Variants in RNF130 observed in about 807,000 individuals in gnomAD.
RNF130 encodes the protein E3 ubiquitin-protein ligase RNF130.
RNF130 carries 21 observed loss-of-function variants against 44.6 expected under a neutral mutation model. That is an observed-to-expected ratio of 0.47 (90% CI 0.33 to 0.68). The LOEUF is 0.68. Among genes scored for constraint, RNF130 ranks in the 30% least tolerant of loss-of-function variants. The pLI is 0.02. For synonymous variants in RNF130, 214 were observed against 210.4 expected (o/e 1.02, Z -0.15); for missense variants, 479 against 560.6 (o/e 0.85, Z 1.47).
intron 3 of RNF130, among the ~76,000 whole-genome samples, chr5:180,000,294 T>C (rs1397025183): frequency 6.6e-6 from 1 of 152,240 alleles, no homozygotes; most frequent in Non-Finnish European, 1.5e-5. Flanking sequence ...AGGGATTCTC[T>C]TATGTGACTT....
chr5:179,970,330 T>G, intron 6 of RNF130, 80 bp downstream of exon 6: 6 of 1,065,058 alleles, frequency 5.6e-6, no homozygotes, highest in Non-Finnish European at 8.2e-6. Context: ...ATGCCTCCTA[T>G]TATGCCAATT....
At chr5:180,053,126 T>A (rs574775811) in intron 1 of RNF130, among the ~76,000 whole-genome samples, 10 of 152,244 alleles carry the variant, frequency 6.6e-5, no homozygotes, top group Non-Finnish European at 8.8e-5. Context: ...CGAGGTCAAC[T>A]GGCCAAATGG....
rs1348247344 is a variant in RNF130, at chr5:179,977,743, T to C, written c.848+460A>G. On this transcript the variant is annotated intron_variant, in intron 5 of 8. Coordinates refer to ENST00000521389, the MANE Select transcript of RNF130 (RefSeq NM_018434.6). This position sits in a 1 kb window ranked among gnomAD's most constrained non-coding sequence, Gnocchi z 4.1. ...GGTGGGTACCTGTAGTCCCAGCTAC[T>C]CGGGAGGCTGAGGCAGGAGAATGGC... Among the ~76,000 whole-genome samples the C allele has an allele frequency of 6.6e-6, 1 of 152,044 alleles. No homozygotes were observed. The highest frequency in any genetic ancestry group is 6.6e-5 in the Admixed American group (1 of 15,266).
At chr5:180,068,905 T>C (rs1034618886) in intron 1 of RNF130, among the ~76,000 whole-genome samples, 2 of 152,204 alleles carry the variant, frequency 1.3e-5, no homozygotes, top group Non-Finnish European at 2.9e-5. Flanking sequence ...GTGCAGTAAG[T>C]CCTCAATAAA....
At chr5:179,970,015 G>C (rs1247196436) in intron 6 of RNF130, among the ~76,000 whole-genome samples, 1 of 152,084 alleles carries the variant, frequency 6.6e-6, no homozygotes, top group East Asian at 1.9e-4. Flanking sequence ...AGTTAGCCAG[G>C]CATGGCGGTG....
chr5:180,028,456 G>C (rs1561698594), intron 2 of RNF130, among the ~76,000 whole-genome samples: 1 of 151,966 alleles, frequency 6.6e-6, no homozygotes, highest in Non-Finnish European at 1.5e-5. Flanking sequence ...CATGTGGTTC[G>C]TCTACTGAGA....
intron 7 of RNF130, among the ~76,000 whole-genome samples, chr5:179,929,468 C>T (rs1348436779): frequency 2.0e-5 from 3 of 152,292 alleles, no homozygotes; most frequent in Non-Finnish European, 1.5e-5. Context: ...TAGGATCAGG[C>T]TGGGCGTGGT....
chr5:180,051,025 A>G (rs1320940104), intron 1 of RNF130, among the ~76,000 whole-genome samples: 2 of 151,876 alleles, frequency 1.3e-5, no homozygotes, highest in Non-Finnish European at 2.9e-5. Flanking sequence ...CTGGTCTCGA[A>G]CTCCTGAACT....
chr5:180,021,896 G>A (rs771516098), intron 2 of RNF130, among the ~76,000 whole-genome samples: 3 of 152,108 alleles, frequency 2.0e-5, no homozygotes, highest in Non-Finnish European at 2.9e-5. Context: ...GCCCAGGTCC[G>A]AGTCACATGC....
chr5:180,019,108 G>A (rs558078874), intron 2 of RNF130, among the ~76,000 whole-genome samples: 1 of 152,332 alleles, frequency 6.6e-6, no homozygotes, highest in East Asian at 1.9e-4. Context: ...TTTGAGGCCG[G>A]GCGGGGTGGC....
At chr5:179,993,294 A>G (rs1191331006) in intron 3 of RNF130, among the ~76,000 whole-genome samples, 2 of 152,212 alleles carry the variant, frequency 1.3e-5, no homozygotes, top group Non-Finnish European at 2.9e-5. Context: ...TTGAGGAATC[A>G]CCACACTGTC....
intron 3 of RNF130, among the ~76,000 whole-genome samples, chr5:179,980,818 G>C (rs1487500858): frequency 2.0e-5 from 3 of 152,284 alleles, no homozygotes; most frequent in Middle Eastern, 6.8e-3. Context: ...TCCAAGGCTG[G>C]ATTTATGCAA....
At chr5:179,978,987 A>C (rs987220677) in intron 4 of RNF130, among the ~76,000 whole-genome samples, 2 of 152,184 alleles carry the variant, frequency 1.3e-5, no homozygotes, top group Non-Finnish European at 2.9e-5. Flanking sequence ...TGTCACTGTC[A>C]CTTGGACTGA....
chr5:179,946,320 G>T (rs937654144), intron 7 of RNF130, among the ~76,000 whole-genome samples: 2 of 152,188 alleles, frequency 1.3e-5, no homozygotes, highest in Admixed American at 6.5e-5. Context: ...GAGGAAAGAA[G>T]CCCCCACAGG....
intron 2 of RNF130, among the ~76,000 whole-genome samples, chr5:180,030,382 T>C (rs1561699453): frequency 6.6e-6 from 1 of 152,230 alleles, no homozygotes; most frequent in East Asian, 1.9e-4. Context: ...TAATGAGGTA[T>C]AATTTACATC....
intron 7 of RNF130, among the ~76,000 whole-genome samples, chr5:179,944,615 T>C (rs1402270578): frequency 6.6e-6 from 1 of 151,398 alleles, no homozygotes; most frequent in Non-Finnish European, 1.5e-5. Context: ...CTGGCTAAAT[T>C]TTTTTTTTGA....
downstream of RNF130, among the ~76,000 whole-genome samples, chr5:179,952,317 C>T (rs1043133332): frequency 8.6e-5 from 13 of 152,044 alleles, no homozygotes; most frequent in African/African-American, 2.9e-4. Context: ...CAAACTGTCT[C>T]AACTATAAAT....
intron 7 of RNF130, among the ~76,000 whole-genome samples, chr5:179,940,939 C>T (rs1761962870): frequency 6.6e-6 from 1 of 152,144 alleles, no homozygotes; most frequent in African/African-American, 2.4e-5. Flanking sequence ...TCCTGACCTG[C>T]ATTCCAGTTC....
intron 3 of RNF130, among the ~76,000 whole-genome samples, chr5:179,988,978 T>C (rs1763015809): frequency 6.6e-6 from 1 of 152,192 alleles, no homozygotes; most frequent in Non-Finnish European, 1.5e-5. Context: ...AGCGGGTGTA[T>C]TAGTCCGTTT....
Sources: allele counts gnomAD v4.1 joint callset (sites outside exome capture counted in the v4.1 genomes callset), GRCh38; gene constraint gnomAD v4.1.1; non-coding constraint Gnocchi (gnomAD v3.1); transcripts MANE v1.5; gene names NCBI Gene and HGNC (gene_info 2026-07-23, HGNC 2026-07-21).